The following RASSF3 variants were observed in gnomAD, a reference collection of about 807,000 sequenced individuals.
RASSF3 encodes ras association domain-containing protein 3.
Under a neutral mutation model 19.9 loss-of-function variants are expected in RASSF3, and 19 were observed. The ratio of observed to expected loss-of-function variants is 0.96; its 90% CI spans 0.67 to 1.40. The LOEUF (loss-of-function observed/expected upper bound fraction) is 1.40, where lower values mean the gene tolerates loss of function less well. Ranked by LOEUF, RASSF3 falls within the 40% of genes most tolerant of loss-of-function variation. RASSF3 has a pLI of 0.00. For missense variants in RASSF3, 306 were observed against 289.8 expected, an observed-to-expected ratio of 1.06 and a Z score of -0.41; for synonymous variants, 110 against 104.2, an observed-to-expected ratio of 1.06 and a Z score of -0.34.
intron 1 of RASSF3, among the ~76,000 whole-genome samples, chr12:64,625,866 A>C (rs1003627306): frequency 1.3e-5 from 2 of 152,160 alleles, no homozygotes. Flanking sequence ...AAGCTCAATG[A>C]GTCATGTGAT....
chr12:64,693,318 C>G (rs1178148567), intron 4 of RASSF3, among the ~76,000 whole-genome samples: 4 of 152,062 alleles, frequency 2.6e-5, no homozygotes, highest in Non-Finnish European at 5.9e-5. Flanking sequence ...CCAGGGCCCC[C>G]TTTGGGAGAG....
intron 4 of RASSF3, among the ~76,000 whole-genome samples, chr12:64,694,222 T>TG (rs1418660543): frequency 6.6e-6 from 1 of 151,974 alleles, no homozygotes; most frequent in Non-Finnish European, 1.5e-5. Flanking sequence ...ATGTTCTGTT[T>TG]GGGGAACAGA....
intron 1 of RASSF3, among the ~76,000 whole-genome samples, chr12:64,617,583 A>G (rs543190409): frequency 1.3e-5 from 2 of 152,318 alleles, no homozygotes; most frequent in South Asian, 2.1e-4. Context: ...GTTGAGACGG[A>G]GTCTTGCTCT....
intron 1 of RASSF3, among the ~76,000 whole-genome samples, chr12:64,659,070 T>C (rs1872254892): frequency 2.0e-5 from 3 of 151,970 alleles, no homozygotes; most frequent in Admixed American, 1.3e-4. Flanking sequence ...AAAGAACAAA[T>C]TGTGGAAGAG....
chr12:64,539,113 G>A (rs1019659804), intron 1 of RASSF3, among the ~76,000 whole-genome samples: 1 of 152,146 alleles, frequency 6.6e-6, no homozygotes, highest in East Asian at 1.9e-4. Context: ...CACAGAAAGA[G>A]TAATTTAAAA....
rs112482007 is a variant in RASSF3 at position 64,659,916 on chromosome 12, C to T, written c.112-24871C>T. ...TGAGCTGAGATGGCGCCACTACACT[C>T]CAGCCTGGGTGACAAAGCGAGACTT... On this transcript the variant is annotated intron_variant, in intron 1 of 4. Transcript: ENST00000542104. 7.0e-3 allele frequency among the ~76,000 whole-genome samples: 1,067 copies of T among 151,922 alleles called. 15 individuals are homozygous for T. The highest frequency in any genetic ancestry group is 0.025 in the African/African-American group (1,028 of 41,422).
At position 64,634,084 on chromosome 12, in the gene RASSF3, G is replaced by A. The variant is rs140308498; in HGVS notation, c.111+23341G>A. Among the ~76,000 whole-genome samples, 9 of 152,278 alleles carry A rather than the reference G, an allele frequency of 5.9e-5. 1 individual carries two copies. Among genetic ancestry groups the A allele is most frequent in the Non-Finnish European group, 1.2e-4 (8 of 68,024 alleles). ...GGGAGGCAGAGTTTGCAGTGAGCCA[G>A]TATGAGTCACTGCACTCCAGCCTGG... On this transcript the variant is annotated intron_variant, in intron 1 of 4. Transcript: ENST00000542104.
intron 1 of RASSF3, among the ~76,000 whole-genome samples, chr12:64,666,074 T>C (rs1026284082): frequency 3.3e-5 from 5 of 152,258 alleles, no homozygotes; most frequent in Non-Finnish European, 1.5e-5. Context: ...GAAAAAGTTA[T>C]GTTAAATGAT....
At chr12:64,569,791 C>A (rs1426396638) in intron 2 of RASSF3, among the ~76,000 whole-genome samples, 4 of 152,160 alleles carry the variant, frequency 2.6e-5, no homozygotes, top group Non-Finnish European at 4.4e-5. Flanking sequence ...CATGAAGAAA[C>A]CTTGTTTCTA....
chr12:64,607,400 C>T (rs1357009716), upstream of RASSF3, among the ~76,000 whole-genome samples: 1 of 152,024 alleles, frequency 6.6e-6, no homozygotes, highest in African/African-American at 2.4e-5. Context: ...GGCAGAGTCT[C>T]CCTGTGTCGC....
At position 64,610,687 on chromosome 12, in the gene RASSF3, G is replaced by A; in HGVS notation, c.55G>A (p.Ala19Thr). The change falls in exon 1 of 5, where the codon GCC (alanine) becomes ACC (threonine). Residue 19 changes from alanine to threonine, a missense_variant. Physicochemically the swap from Ala to Thr is moderately conservative, Grantham distance 58 (BLOSUM62 0). Transcript: ENST00000542104. ...EEDAEDFFFT[A>T]RTSFFRRAPQ... Reference sequence around the variant, plus strand: ...GGACGCCGAGGACTTCTTCTTCACCGCCAGGACCTCCTTCTTCAGGAGAGC... The same window carrying A: ...GGACGCCGAGGACTTCTTCTTCACCACCAGGACCTCCTTCTTCAGGAGAGC... 2.5e-6 allele frequency: 4 copies of A among 1,595,402 alleles called. No homozygotes were observed. Among genetic ancestry groups the A allele is most frequent in the Non-Finnish European group, 3.4e-6 (4 of 1,172,672 alleles).
intron 1 of RASSF3, among the ~76,000 whole-genome samples, chr12:64,508,168 A>G (rs1043399898): frequency 6.6e-6 from 1 of 152,196 alleles, no homozygotes; most frequent in Non-Finnish European, 1.5e-5. Flanking sequence ...TTGATACATT[A>G]TCAAACATAA....
intron 1 of RASSF3, among the ~76,000 whole-genome samples, chr12:64,630,556 C>T (rs926269463): frequency 5.3e-5 from 8 of 152,010 alleles, no homozygotes; most frequent in African/African-American, 1.7e-4. Context: ...AAAAAGGGTG[C>T]TTAGAAATCC....
rs138994678 is a variant in RASSF3, at chr12:64,519,411, G to GTA, written c.169+12095_169+12096dup. 1.0e-3 allele frequency among the ~76,000 whole-genome samples: 156 copies of GTA among 150,876 alleles called. 2 individuals are homozygous for GTA. The highest frequency in any genetic ancestry group is 2.5e-3 in the African/African-American group (103 of 41,170). On this transcript the variant is annotated intron_variant, in intron 1 of 5. Transcript: ENST00000637125. The stretch of plus-strand genomic sequence containing the variant: ...GACAGAGCAAGGCCGTCTCAAATAC[G>GTA]TATATATATATATACACTTTTAGGA...
chr12:64,567,631 C>A (rs1359670284), intron 2 of RASSF3, among the ~76,000 whole-genome samples: 1 of 152,232 alleles, frequency 6.6e-6, no homozygotes, highest in Non-Finnish European at 1.5e-5. Context: ...TGGGCTACAG[C>A]ATGAAGACTA....
chr12:64,568,715 CT>C (rs35680868), intron 2 of RASSF3, among the ~76,000 whole-genome samples: 60 of 146,256 alleles, frequency 4.1e-4, no homozygotes, highest in South Asian at 1.1e-3. Context: ...TCTGAGTTCA[CT>C]TTTTTTTTTT....
intron 1 of RASSF3, among the ~76,000 whole-genome samples, chr12:64,656,962 G>T (rs988644073): frequency 1.3e-5 from 2 of 151,206 alleles, no homozygotes; most frequent in African/African-American, 4.9e-5. Context: ...AGACAAAGTA[G>T]AATGGTAGTC....
At chr12:64,589,793 AG>A (rs1397790458) in intron 2 of RASSF3, among the ~76,000 whole-genome samples, 1 of 151,836 alleles carries the variant, frequency 6.6e-6, no homozygotes, top group East Asian at 1.9e-4. Context: ...ACTTGAGGTC[AG>A]GAGTTTGAGA....
intron 1 of RASSF3, among the ~76,000 whole-genome samples, chr12:64,663,180 CT>C (rs139522783): frequency 6.6e-6 from 1 of 152,238 alleles, no homozygotes; most frequent in East Asian, 1.9e-4. Context: ...CTTTCATTCC[CT>C]TAGGCCATTT....
Sources: allele counts gnomAD v4.1 joint callset (sites outside exome capture counted in the v4.1 genomes callset), GRCh38; gene constraint gnomAD v4.1.1; transcripts MANE v1.5; gene names NCBI Gene and HGNC (gene_info 2026-07-23, HGNC 2026-07-21).